PRH1: variants seen among roughly 807,000 people sequenced by gnomAD.
PRH1 encodes the protein salivary acidic proline-rich phosphoprotein 1/2.
Under a neutral mutation model 7.9 loss-of-function variants are expected in PRH1, and 7 were observed. That is an observed-to-expected ratio of 0.89 (90% CI 0.50 to 1.67). PRH1 has a LOEUF of 1.67. PRH1 is among the 40% of genes most tolerant of loss of function. The pLI is 0.00. For missense variants in PRH1, 109 were observed against 223.6 expected (o/e 0.49, Z 3.27); for synonymous variants, 45 against 80.8 (o/e 0.56, Z 2.38).
chr12:10,940,892 C>T (rs940775164), intron 2 of PRH1, among the ~76,000 whole-genome samples: 1 of 152,034 alleles, frequency 6.6e-6, no homozygotes, highest in Admixed American at 6.6e-5. Flanking sequence ...TGAAGCAAAG[C>T]TAAGCAAAAA....
intron 1 of PRH1, chr12:11,171,363 C>T (rs1354576474): frequency 3.2e-6 from 4 of 1,231,656 alleles, no homozygotes; most frequent in Non-Finnish European, 4.0e-6. Context: ...GCTCATGGCC[C>T]CCGCGGCGGC....
chr12:11,138,717 T>G (rs1946623309), intron 1 of PRH1, among the ~76,000 whole-genome samples: 2 of 152,206 alleles, frequency 1.3e-5, no homozygotes, highest in Non-Finnish European at 2.9e-5. Context: ...TTTACAGTTC[T>G]TGCTTATCTT....
At chr12:10,887,057 CT>C (rs2135786470), upstream of PRH1, among the ~76,000 whole-genome samples, 1 of 152,294 alleles carries the variant, frequency 6.6e-6, no homozygotes, top group South Asian at 2.1e-4. Flanking sequence ...GTTTTTTCTT[CT>C]GCACTTGTGA....
chr12:11,047,173 C>T (rs1942934202), exon 1 of PRH1: 1 of 392,854 alleles, frequency 2.5e-6, no homozygotes, highest in Non-Finnish European at 5.7e-6. Context: ...GGGCCTTGAG[C>T]CAAATGCTGG....
intron 2 of PRH1, among the ~76,000 whole-genome samples, chr12:10,898,686 G>C (rs1949682890): frequency 6.6e-6 from 1 of 152,188 alleles, no homozygotes; most frequent in Admixed American, 6.5e-5. Flanking sequence ...TCAATAGAAA[G>C]CATGTCAGAA....
chr12:11,098,970 T>C (rs1945146975), intron 1 of PRH1, among the ~76,000 whole-genome samples: 1 of 152,188 alleles, frequency 6.6e-6, no homozygotes, highest in African/African-American at 2.4e-5. Flanking sequence ...AAGAATAATA[T>C]TTATTTATCA....
chr12:11,049,657 G>A (rs904730640), upstream of PRH1, among the ~76,000 whole-genome samples: 3 of 151,890 alleles, frequency 2.0e-5, no homozygotes, highest in Non-Finnish European at 2.9e-5. Flanking sequence ...GTCCAGCATC[G>A]TCAGTTGTTA....
intron 1 of PRH1, among the ~76,000 whole-genome samples, chr12:11,058,832 T>G (rs1365100370): frequency 6.6e-6 from 1 of 152,212 alleles, no homozygotes; most frequent in African/African-American, 2.4e-5. Context: ...GCAAGTCATA[T>G]GCTCATAAAG....
intron 1 of PRH1, among the ~76,000 whole-genome samples, chr12:11,091,085 T>G (rs1291792082): frequency 4.9e-5 from 2 of 40,984 alleles, no homozygotes; most frequent in African/African-American, 1.1e-4. Flanking sequence ...ATGTTAAGTT[T>G]TCATACACAA....
chr12:11,008,553 A>G (rs745893324), intron 1 of PRH1, among the ~76,000 whole-genome samples: 3 of 152,056 alleles, frequency 2.0e-5, no homozygotes, highest in Admixed American at 6.6e-5. Flanking sequence ...TTTTCTTTAT[A>G]CTTTATCAAC....
chr12:11,069,967 A>G (rs1295869171), intron 1 of PRH1, among the ~76,000 whole-genome samples: 1 of 138,708 alleles, frequency 7.2e-6, no homozygotes, highest in Non-Finnish European at 1.6e-5. Flanking sequence ...AACAGTACCC[A>G]GAGGAAAGGA....
At chr12:11,066,255 G>A (rs865904695) in intron 1 of PRH1, among the ~76,000 whole-genome samples, 26 of 152,304 alleles carry the variant, frequency 1.7e-4, no homozygotes, top group African/African-American at 5.1e-4. Context: ...TCACACAAGT[G>A]TGACAGAAGA....
At chr12:10,909,736 T>C (rs536951525) in intron 2 of PRH1, among the ~76,000 whole-genome samples, 3 of 152,350 alleles carry the variant, frequency 2.0e-5, no homozygotes, top group East Asian at 3.8e-4. Context: ...ATTCATAGAA[T>C]ATGTAGCTAA....
intron 1 of PRH1, among the ~76,000 whole-genome samples, chr12:11,060,770 G>C (rs1943562214): frequency 6.6e-6 from 1 of 150,736 alleles, no homozygotes. Context: ...TGTGTGCATT[G>C]TTTTCTATCA....
intron 2 of PRH1, among the ~76,000 whole-genome samples, chr12:10,966,481 C>T (rs1377983072): frequency 6.6e-6 from 1 of 152,086 alleles, no homozygotes; most frequent in African/African-American, 2.4e-5. Flanking sequence ...TACTCTGTTC[C>T]CAGAAGGAGA....
chr12:11,167,698 A>G (rs61928614), intron 1 of PRH1, among the ~76,000 whole-genome samples: 113,247 of 151,974 alleles, frequency 0.75, 44,699 homozygotes, highest in East Asian at 0.96. Flanking sequence ...CACCCACCTC[A>G]GCCTCCCAAA....
intron 2 of PRH1, chr12:10,973,473 T>G: frequency 2.2e-6 from 1 of 453,026 alleles, no homozygotes; most frequent in Non-Finnish European, 3.9e-6. Flanking sequence ...ACAACTACTA[T>G]CAGCCTTAGG....
chr12:11,022,653 T>C, intron 1 of PRH1: 2 of 1,021,266 alleles, frequency 2.0e-6, no homozygotes, highest in Non-Finnish European at 2.8e-6. Flanking sequence ...CGATGAACAC[T>C]TGATTACTAA....
chr12:10,983,286 CATA>C (rs1325160156), intron 1 of PRH1, among the ~76,000 whole-genome samples: 1 of 152,170 alleles, frequency 6.6e-6, no homozygotes, highest in Non-Finnish European at 1.5e-5. Flanking sequence ...CCCCTCTAAG[CATA>C]AGCACTTCTA....
Sources: gnomAD v4.1 joint callset for allele counts (sites outside exome capture counted in the v4.1 genomes callset) on GRCh38, gnomAD v4.1.1 for gene constraint, MANE v1.5 for transcripts, NCBI Gene and HGNC (gene_info 2026-07-23, HGNC 2026-07-21) for gene names.